Variants in WTAP observed in about 807,000 individuals in gnomAD.
WTAP encodes pre-mRNA-splicing regulator WTAP.
In WTAP, 8 loss-of-function variants were observed where a neutral mutation model predicts 50.0. The observed-to-expected ratio is 0.16, with a 90% CI of 0.09 to 0.29. WTAP has a LOEUF of 0.29. WTAP is among the 10% of genes least tolerant of loss of function. WTAP has a pLI of 1.00. For missense variants in WTAP, 295 were observed against 470.7 expected (o/e 0.63, Z 3.45); for synonymous variants, 194 against 169.0 (o/e 1.15, Z -1.15).
chr6:159,737,382 G>A (rs576365371), intron 2 of WTAP, among the ~76,000 whole-genome samples: 1 of 152,104 alleles, frequency 6.6e-6, no homozygotes, highest in South Asian at 2.1e-4. Context: ...TAGTTCCCTC[G>A]TTCCATTTTA....
At chr6:159,743,316 G>A (rs1372575083) in intron 4 of WTAP, among the ~76,000 whole-genome samples, 1 of 152,188 alleles carries the variant, frequency 6.6e-6, no homozygotes, top group Non-Finnish European at 1.5e-5. Context: ...CAAAGTGCTG[G>A]GATTACAGGC....
intron 6 of WTAP, 35 bp from the exon 7 acceptor site, chr6:159,753,425 C>T (rs753397036): frequency 1.9e-6 from 3 of 1,613,822 alleles, no homozygotes; most frequent in Non-Finnish European, 2.5e-6. Flanking sequence ...AGAGTTTTGT[C>T]TTCATTTTGT....
At chr6:159,747,384 A>G (rs543050406) in intron 5 of WTAP, among the ~76,000 whole-genome samples, 2 of 152,286 alleles carry the variant, frequency 1.3e-5, no homozygotes, top group South Asian at 4.1e-4. Flanking sequence ...ACTGAACTAA[A>G]CAGTTGGGTT....
intron 2 of WTAP, among the ~76,000 whole-genome samples, chr6:159,736,993 AG>A (rs1778963325): frequency 6.6e-6 from 1 of 152,204 alleles, no homozygotes; most frequent in African/African-American, 2.4e-5. Flanking sequence ...AAATGAATAA[AG>A]GATTGTATTA....
intron 1 of WTAP, among the ~76,000 whole-genome samples, chr6:159,731,504 T>C (rs939006368): frequency 1.2e-4 from 18 of 152,086 alleles, no homozygotes; most frequent in African/African-American, 4.3e-4. Context: ...TTAAGTAACT[T>C]CTGTTTAGAA....
At chr6:159,735,775 T>C (rs780579717) in intron 1 of WTAP, among the ~76,000 whole-genome samples, 9 of 151,922 alleles carry the variant, frequency 5.9e-5, no homozygotes, top group Non-Finnish European at 1.0e-4. Context: ...AAATATATAA[T>C]ATATCTAAAA....
rs543666808 is a variant in WTAP, at chr6:159,732,522, C to T, written c.-8-3736C>T. Among the ~76,000 whole-genome samples the T allele has an allele frequency of 3.3e-5, 5 of 152,272 alleles. No homozygotes were observed. In the South Asian group the frequency reaches 1.0e-3, roughly 32 times the overall value. ...GTACAGCTCAAATAGCTAAAATTGT[C>T]TTTAAGATTTTTTAAATTAAAAATA... is the stretch of plus-strand genomic sequence containing the variant. On this transcript the variant is annotated intron_variant, in intron 1 of 7. Coordinates refer to ENST00000621533, the MANE Select transcript of WTAP (RefSeq NM_001270531.2).
intron 6 of WTAP, among the ~76,000 whole-genome samples, chr6:159,751,856 G>A (rs1393928574): frequency 1.3e-5 from 2 of 152,170 alleles, no homozygotes; most frequent in Non-Finnish European, 2.9e-5. Context: ...GAGCTTAGGA[G>A]TTTGAGACCA....
Position 159,755,158 on chromosome 6 carries a change from C to T in WTAP, c.738C>T (p.Ala246=). 6 of 1,614,132 alleles carry T rather than the reference C, an allele frequency of 3.7e-6. No homozygotes were observed. Among genetic ancestry groups the T allele is most frequent in the Non-Finnish European group, 5.1e-6 (6 of 1,180,018 alleles). The change falls in exon 8 of 8, where the codon GCC becomes GCT. Residue 246 remains alanine, a synonymous_variant. Coordinates refer to ENST00000621533, the MANE Select transcript of WTAP (RefSeq NM_001270531.2). The stretch of plus-strand genomic sequence containing the variant: ...AGTACCAGCAGCAGCAGTCTCAGGC[C>T]TCTGCCCCAAGTACCAGCAGGACTA... ...LAQYQQQQSQ[A]SAPSTSRTTA...
chr6:159,749,113 G>C, intron 6 of WTAP: 1 of 986,360 alleles, frequency 1.0e-6, no homozygotes, highest in Non-Finnish European at 1.2e-6. Flanking sequence ...TTCTTTGAAT[G>C]GTTGCAAAAA....
chr6:159,731,344 T>G (rs1778559404), intron 1 of WTAP, among the ~76,000 whole-genome samples: 1 of 151,326 alleles, frequency 6.6e-6, no homozygotes, highest in Non-Finnish European at 1.5e-5. Flanking sequence ...GGTTCATGCC[T>G]GTGATCCCAG....
chr6:159,745,743 GTA>G (rs1467665074), intron 5 of WTAP, among the ~76,000 whole-genome samples: 1 of 152,198 alleles, frequency 6.6e-6, no homozygotes, highest in African/African-American at 2.4e-5. Flanking sequence ...TCTGACTTGA[GTA>G]TGAAAGATAG....
chr6:159,747,980 T>A (rs1040273839), intron 5 of WTAP, among the ~76,000 whole-genome samples: 5 of 152,196 alleles, frequency 3.3e-5, no homozygotes. Flanking sequence ...TGTATAGTGA[T>A]CAGATCGGGG....
At position 159,743,611 on chromosome 6, in the gene WTAP, G is replaced by A; in HGVS notation, c.146-54G>A. 18 of 1,501,234 alleles carry A rather than the reference G, an allele frequency of 1.2e-5. No homozygotes were observed. The South Asian group carries it at 1.7e-4, about 14-fold the overall frequency. 93.0% of individuals were successfully genotyped at this position (1,501,234 alleles called of 1,614,324 possible). On this transcript the variant is annotated intron_variant, in intron 4 of 7. Coordinates refer to ENST00000621533, the MANE Select transcript of WTAP (RefSeq NM_001270531.2). ...CTAGTTCTTATTGTTCTTGACAGAG[G>A]TATTTAGAACTTGATCTTAAAATTG...
intron 2 of WTAP, among the ~76,000 whole-genome samples, chr6:159,738,277 T>A (rs1779042177): frequency 6.6e-6 from 1 of 152,242 alleles, no homozygotes; most frequent in Non-Finnish European, 1.5e-5. Flanking sequence ...AACCACTAAT[T>A]TATCTCCATT....
intron 3 of WTAP, among the ~76,000 whole-genome samples, chr6:159,740,949 G>T (rs1017714017): frequency 6.6e-6 from 1 of 151,938 alleles, no homozygotes; most frequent in Non-Finnish European, 1.5e-5. Flanking sequence ...TGATCTGCCC[G>T]CCTCGGCCTC....
chr6:159,729,337 T>C (rs1278814471), intron 1 of WTAP, among the ~76,000 whole-genome samples: 6 of 152,260 alleles, frequency 3.9e-5, no homozygotes, highest in Non-Finnish European at 8.8e-5. Flanking sequence ...TCTCCAACTT[T>C]TCTGCCTCTA....
At position 159,755,182 on chromosome 6, in the gene WTAP, T is replaced by C. The variant is rs190245327; in HGVS notation, c.762T>C (p.Thr254=). Residue 254 remains threonine, a synonymous_variant, in exon 8 of 8, where the codon ACT becomes ACC. Coordinates refer to ENST00000621533, the MANE Select transcript of WTAP (RefSeq NM_001270531.2). ...SQASAPSTSR[T]TASEPVEQSE... ...CCTCTGCCCCAAGTACCAGCAGGAC[T>C]ACAGCTTCTGAACCTGTAGAACAGT... 2 of 1,614,124 alleles carry C rather than the reference T, an allele frequency of 1.2e-6. No individual in the cohort carries two copies. Among genetic ancestry groups the C allele is most frequent in the South Asian group, 1.1e-5 (1 of 91,084 alleles).
At chr6:159,754,041 A>G (rs1419681943) in intron 7 of WTAP, among the ~76,000 whole-genome samples, 1 of 152,214 alleles carries the variant, frequency 6.6e-6, no homozygotes, top group Non-Finnish European at 1.5e-5. Context: ...TTATTAGTGA[A>G]TAAGAGATTT....
Sources: allele counts gnomAD v4.1 joint callset (sites outside exome capture counted in the v4.1 genomes callset), GRCh38; gene constraint gnomAD v4.1.1; transcripts MANE v1.5; gene names NCBI Gene and HGNC (gene_info 2026-07-23, HGNC 2026-07-21).